Variants in PSMA1 observed in about 807,000 individuals in gnomAD.
The protein encoded by PSMA1 is proteasome subunit alpha type-1.
A neutral mutation model predicts 38.4 loss-of-function variants in PSMA1; 3 were observed. The observed-to-expected ratio is 0.08, with a 90% CI of 0.04 to 0.20. The LOEUF is 0.20. Ranked by LOEUF, PSMA1 falls within the 10% of genes least tolerant of loss-of-function variation. PSMA1 has a pLI of 1.00. For missense variants in PSMA1, 227 were observed against 325.3 expected, an observed-to-expected ratio of 0.70 and a Z score of 2.32; for synonymous variants, 101 against 107.1, an observed-to-expected ratio of 0.94 and a Z score of 0.35.
intron 1 of PSMA1, among the ~76,000 whole-genome samples, chr11:14,624,817 A>C (rs1352501222): frequency 6.6e-6 from 1 of 152,158 alleles, no homozygotes; most frequent in African/African-American, 2.4e-5. Flanking sequence ...GGACATGTAC[A>C]ACGACCCTGA....
intron 2 of PSMA1, among the ~76,000 whole-genome samples, chr11:14,556,684 T>C (rs1221468554): frequency 1.3e-5 from 2 of 152,198 alleles, no homozygotes; most frequent in African/African-American, 4.8e-5. Flanking sequence ...TTTTTTGACA[T>C]TTTACTTTTA....
chr11:14,594,426 G>T (rs1020538967), intron 2 of PSMA1, among the ~76,000 whole-genome samples: 8 of 152,082 alleles, frequency 5.3e-5, no homozygotes, highest in Non-Finnish European at 1.5e-5. Context: ...GGAAGGGGGG[G>T]GTTCAGCTTT....
chr11:14,511,026 G>T, intron 7 of PSMA1, 75 bp from the exon 8 acceptor site: 2 of 1,042,018 alleles, frequency 1.9e-6, no homozygotes, highest in Non-Finnish European at 2.7e-6. Context: ...CAAATCTACA[G>T]TCTCAAATTG....
At chr11:14,514,188 A>G in intron 5 of PSMA1, 1 of 1,343,226 alleles carries the variant, frequency 7.4e-7, no homozygotes, top group Non-Finnish European at 9.5e-7. Context: ...AATCCCCTCT[A>G]AAAAGATGCT....
At position 14,623,247 on chromosome 11, in the gene PSMA1, G is replaced by A. The variant is rs111420590; in HGVS notation, c.-165-12096C>T. 6.7e-3 allele frequency among the ~76,000 whole-genome samples: 1,015 copies of A among 152,294 alleles called. 9 individuals carry two copies. The highest frequency in any genetic ancestry group is 0.023 in the African/African-American group (967 of 41,546). ...GTTCCTATGGCCATATGGGGGCCCC[G>A]TAAGACCAACTGAAGTAGAAGGAAA... is the stretch of plus-strand genomic sequence containing the variant. On this transcript the variant is annotated intron_variant, in intron 1 of 10. Coordinates refer to the PSMA1 transcript ENST00000418988.
chr11:14,560,942 G>A (rs1589992825), intron 2 of PSMA1, among the ~76,000 whole-genome samples: 1 of 152,184 alleles, frequency 6.6e-6, no homozygotes, highest in Middle Eastern at 3.4e-3. Context: ...ACATACATAC[G>A]ATATGCAAGC....
At chr11:14,522,657 T>C (rs1342405085), upstream of PSMA1, among the ~76,000 whole-genome samples, 1 of 152,228 alleles carries the variant, frequency 6.6e-6, no homozygotes, top group Non-Finnish European at 1.5e-5. Flanking sequence ...CTTGGCTGTT[T>C]ATGTTACTTT....
At chr11:14,546,373 CT>C (rs1301153923) in intron 2 of PSMA1, among the ~76,000 whole-genome samples, 2 of 152,074 alleles carry the variant, frequency 1.3e-5, no homozygotes, top group Non-Finnish European at 2.9e-5. Context: ...TGTTAGAATG[CT>C]TTTCCCTTTC....
intron 2 of PSMA1, among the ~76,000 whole-genome samples, chr11:14,601,911 GA>G (rs748501512): frequency 6.6e-6 from 1 of 152,188 alleles, no homozygotes; most frequent in East Asian, 1.9e-4. Context: ...CTTACTGTCA[GA>G]AAAAGGTAAG....
chr11:14,591,276 C>T (rs1333029792), intron 2 of PSMA1, among the ~76,000 whole-genome samples: 2 of 152,234 alleles, frequency 1.3e-5, no homozygotes, highest in African/African-American at 4.8e-5. Context: ...CTCAATTTCT[C>T]ACCCAACCTT....
At chr11:14,603,836 G>A (rs10766187) in intron 2 of PSMA1, among the ~76,000 whole-genome samples, 88,810 of 152,022 alleles carry the variant, frequency 0.58, 26,192 homozygotes, top group Middle Eastern at 0.67. Context: ...TTGGAAATCA[G>A]TATCAAGAAA....
chr11:14,623,000 G>A (rs1852867783), intron 1 of PSMA1, among the ~76,000 whole-genome samples: 1 of 152,208 alleles, frequency 6.6e-6, no homozygotes, highest in Non-Finnish European at 1.5e-5. Context: ...TCACCATGGG[G>A]CACAAAGTGA....
intron 2 of PSMA1, among the ~76,000 whole-genome samples, chr11:14,588,324 C>T (rs1006733974): frequency 9.9e-5 from 15 of 152,206 alleles, no homozygotes; most frequent in African/African-American, 2.9e-4. Flanking sequence ...TAACCATGCA[C>T]GTACATTTAC....
At chr11:14,536,549 A>C (rs1378916086) in intron 2 of PSMA1, among the ~76,000 whole-genome samples, 1 of 151,868 alleles carries the variant, frequency 6.6e-6, no homozygotes, top group Non-Finnish European at 1.5e-5. Flanking sequence ...AAACAGAAAA[A>C]CAAACAAAAA....
At chr11:14,525,387 G>A (rs1000386288) in intron 2 of PSMA1, among the ~76,000 whole-genome samples, 3 of 151,860 alleles carry the variant, frequency 2.0e-5, no homozygotes, top group Admixed American at 2.0e-4. Flanking sequence ...CTTGGCGACC[G>A]ATCATGCACC....
At chr11:14,572,090 T>C (rs987317922) in intron 2 of PSMA1, among the ~76,000 whole-genome samples, 1 of 152,114 alleles carries the variant, frequency 6.6e-6, no homozygotes, top group Non-Finnish European at 1.5e-5. Context: ...CCACTGTCAA[T>C]ATTAGACAGA....
At chr11:14,528,100 TAA>T (rs775201432) in intron 2 of PSMA1, among the ~76,000 whole-genome samples, 7 of 138,856 alleles carry the variant, frequency 5.0e-5, no homozygotes, top group Admixed American at 2.2e-4. Context: ...GACTTACTAC[TAA>T]AAAAAAAAAG....
chr11:14,565,571 ATCT>A (rs1852060777), intron 2 of PSMA1, among the ~76,000 whole-genome samples: 1 of 152,198 alleles, frequency 6.6e-6, no homozygotes, highest in African/African-American at 2.4e-5. Flanking sequence ...GCCTTAGTGT[ATCT>A]GCTATGTTTA....
At chr11:14,601,318 C>T (rs995159465) in intron 2 of PSMA1, among the ~76,000 whole-genome samples, 4 of 152,164 alleles carry the variant, frequency 2.6e-5, no homozygotes, top group African/African-American at 4.8e-5. Context: ...CAAACTACTA[C>T]AGACAAGGAT....
Sources: gnomAD v4.1 joint callset for allele counts (sites outside exome capture counted in the v4.1 genomes callset) on GRCh38, gnomAD v4.1.1 for gene constraint, MANE v1.5 for transcripts, NCBI Gene and HGNC (gene_info 2026-07-23, HGNC 2026-07-21) for gene names.